Variants in GRIA1 observed in about 807,000 individuals in gnomAD.
GRIA1 encodes glutamate receptor 1.
A neutral mutation model predicts 99.2 loss-of-function variants in GRIA1; 31 were observed. The observed-to-expected ratio is 0.31, with a 90% confidence interval of 0.23 to 0.42. The LOEUF is 0.42. Ranked by LOEUF, GRIA1 falls within the 10% of genes least tolerant of loss-of-function variation. The probability of loss-of-function intolerance (pLI) is 1.00; values close to 1 mark genes in which losing one functional copy is unlikely to be tolerated. For missense variants in GRIA1, 782 were observed against 1,157.5 expected (o/e 0.68, Z 4.71); for synonymous variants, 438 against 432.4 (o/e 1.01, Z -0.16).
intron 2 of GRIA1, among the ~76,000 whole-genome samples, chr5:153,510,252 GT>G (rs1755931184): frequency 6.6e-6 from 1 of 152,172 alleles, no homozygotes; most frequent in Non-Finnish European, 1.5e-5. Context: ...TGACTAAAGT[GT>G]TTGAGGAATG....
intron 2 of GRIA1, among the ~76,000 whole-genome samples, chr5:153,527,706 G>C (rs1045613465): frequency 6.6e-6 from 1 of 152,206 alleles, no homozygotes; most frequent in Non-Finnish European, 1.5e-5. Flanking sequence ...ATTCCAAAAA[G>C]TGTAGTTTCA....
chr5:153,568,669 G>A lies in GRIA1; in HGVS notation c.220+74604G>A, dbSNP rs187216131. On this transcript the variant is annotated intron_variant, in intron 2 of 15. Transcript: ENST00000285900. ...GCATACATTCTTTCCTTTCATTTCTGCAGCCACCACCTTTGTCTTTACCCT... is the reference window on the plus strand; with the variant it reads ...GCATACATTCTTTCCTTTCATTTCTACAGCCACCACCTTTGTCTTTACCCT... Among the ~76,000 whole-genome samples the A allele has an allele frequency of 1.4e-3, 218 of 152,068 alleles. 1 individual carries two copies. The highest frequency in any genetic ancestry group is 4.9e-3 in the African/African-American group (203 of 41,450).
At chr5:153,734,957 C>G (rs1362737479) in intron 11 of GRIA1, among the ~76,000 whole-genome samples, 2 of 152,122 alleles carry the variant, frequency 1.3e-5, no homozygotes, top group African/African-American at 4.8e-5. Context: ...TAGTGGTTCT[C>G]AACTGGGCAT....
At chr5:153,510,842 A>G (rs1230801077) in intron 2 of GRIA1, among the ~76,000 whole-genome samples, 2 of 152,174 alleles carry the variant, frequency 1.3e-5, no homozygotes. Context: ...TACAGGGTTC[A>G]TTTTTAAAGT....
At chr5:153,805,735 A>G (rs890081573) in intron 15 of GRIA1, among the ~76,000 whole-genome samples, 2 of 152,166 alleles carry the variant, frequency 1.3e-5, no homozygotes, top group South Asian at 2.1e-4. Flanking sequence ...TAAAATGAGA[A>G]TCTTTCAAAG....
At chr5:153,540,895 C>T (rs1759019986) in intron 2 of GRIA1, among the ~76,000 whole-genome samples, 1 of 152,060 alleles carries the variant, frequency 6.6e-6, no homozygotes, top group African/African-American at 2.4e-5. Flanking sequence ...GCTTGAGTAG[C>T]TTTGGGAATT....
At chr5:153,591,447 T>A (rs1334930411) in intron 2 of GRIA1, among the ~76,000 whole-genome samples, 1 of 152,186 alleles carries the variant, frequency 6.6e-6, no homozygotes, top group Non-Finnish European at 1.5e-5. Context: ...ACCAACTAGG[T>A]CAGATCCTCA....
chr5:153,663,879 T>G (rs181293932), intron 5 of GRIA1, among the ~76,000 whole-genome samples: 145 of 152,318 alleles, frequency 9.5e-4, no homozygotes, highest in African/African-American at 3.4e-3. Context: ...GCACTTGGTG[T>G]GTGTATCTTT....
intron 5 of GRIA1, among the ~76,000 whole-genome samples, chr5:153,668,433 A>T (rs1053624334): frequency 6.6e-6 from 1 of 152,214 alleles, no homozygotes; most frequent in Admixed American, 6.5e-5. Flanking sequence ...CAAAAGAATG[A>T]TATTTTATAA....
chr5:153,550,340 G>A (rs1760022255), intron 2 of GRIA1, among the ~76,000 whole-genome samples: 1 of 151,954 alleles, frequency 6.6e-6, no homozygotes, highest in Non-Finnish European at 1.5e-5. Context: ...GGGGTGAATG[G>A]GAGAGGCTAA....
At chr5:153,698,719 G>A (rs1758297356) in intron 9 of GRIA1, 148 bp from the exon 10 acceptor site, 1 of 621,892 alleles carries the variant, frequency 1.6e-6, no homozygotes, top group South Asian at 1.9e-5. Context: ...TAATGGGGTA[G>A]GGAGTGAAGA....
intron 2 of GRIA1, among the ~76,000 whole-genome samples, chr5:153,518,631 T>C (rs1423813617): frequency 6.6e-6 from 1 of 152,256 alleles, no homozygotes; most frequent in Non-Finnish European, 1.5e-5. Context: ...TGTGTATACA[T>C]GTACAATAAT....
intron 2 of GRIA1, among the ~76,000 whole-genome samples, chr5:153,563,686 G>C (rs1183856132): frequency 6.6e-6 from 1 of 152,194 alleles, no homozygotes; most frequent in African/African-American, 2.4e-5. Context: ...GGAATGTACA[G>C]TCAGTCAATC....
At chr5:153,688,718 A>ATT in intron 8 of GRIA1, among the ~76,000 whole-genome samples, 1 of 146,748 alleles carries the variant, frequency 6.8e-6, no homozygotes, top group Non-Finnish European at 1.5e-5. Context: ...TTCCTTTCAG[A>ATT]TTCTTTTTTT....
At chr5:153,594,230 T>G (rs1764230562) in intron 2 of GRIA1, among the ~76,000 whole-genome samples, 1 of 152,202 alleles carries the variant, frequency 6.6e-6, no homozygotes, top group Non-Finnish European at 1.5e-5. Context: ...TAGAAAGACA[T>G]TCTGTAAGCT....
At chr5:153,491,537 C>T (rs1753918432) in intron 1 of GRIA1, among the ~76,000 whole-genome samples, 3 of 152,074 alleles carry the variant, frequency 2.0e-5, no homozygotes, top group South Asian at 2.1e-4. Flanking sequence ...GGCTCCCTCT[C>T]CTGTTCTGGA....
chr5:153,582,135 T>C (rs1488485747), intron 2 of GRIA1, among the ~76,000 whole-genome samples: 1 of 152,208 alleles, frequency 6.6e-6, no homozygotes, highest in African/African-American at 2.4e-5. Flanking sequence ...AATAGATCTA[T>C]TATCCAATGA....
rs1000033985 is a variant in GRIA1, at chr5:153,655,882, G to A, written c.699+10G>A. ...CATTCTTGCAAATCTGGTGAGTAGAGCACTGCAGGCTCTCAGCTCAAGTCC... is the reference window on the plus strand; with the variant it reads ...CATTCTTGCAAATCTGGTGAGTAGAACACTGCAGGCTCTCAGCTCAAGTCC... On this transcript the variant is annotated intron_variant, in intron 5 of 15. Coordinates refer to ENST00000285900, the MANE Select transcript of GRIA1 (RefSeq NM_000827.4). The A allele has an allele frequency of 6.2e-7, 1 of 1,611,912 alleles. No individual in the cohort carries two copies.
At chr5:153,742,082 G>A (rs186022404) in intron 11 of GRIA1, among the ~76,000 whole-genome samples, 14 of 152,102 alleles carry the variant, frequency 9.2e-5, no homozygotes, top group African/African-American at 3.4e-4. Flanking sequence ...TAAAGTTTAA[G>A]TAAATATAAT....
Sources: gnomAD v4.1 joint callset for allele counts (sites outside exome capture counted in the v4.1 genomes callset) on GRCh38, gnomAD v4.1.1 for gene constraint, MANE v1.5 for transcripts, NCBI Gene and HGNC (gene_info 2026-07-23, HGNC 2026-07-21) for gene names.